SPATS2: variants seen among roughly 807,000 people sequenced by gnomAD.
The protein encoded by SPATS2 is spermatogenesis-associated serine-rich protein 2.
Under a neutral mutation model 63.7 loss-of-function variants are expected in SPATS2, and 38 were observed. That is an observed-to-expected ratio of 0.60 (90% CI 0.46 to 0.78). The LOEUF is 0.78. Ranked by LOEUF, SPATS2 falls within the 30% of genes least tolerant of loss-of-function variation. SPATS2 has a pLI of 0.00. For synonymous variants in SPATS2, 207 were observed against 232.9 expected, an observed-to-expected ratio of 0.89 and a Z score of 1.01; for missense variants, 588 against 666.2, an observed-to-expected ratio of 0.88 and a Z score of 1.29.
At chr12:49,421,751 G>A (rs1182128194) in intron 2 of SPATS2, among the ~76,000 whole-genome samples, 1 of 152,118 alleles carries the variant, frequency 6.6e-6, no homozygotes, top group Non-Finnish European at 1.5e-5. Flanking sequence ...ACTCTTAGGT[G>A]GATATTTTCT....
At chr12:49,483,802 G>A (rs916485853) in intron 3 of SPATS2, among the ~76,000 whole-genome samples, 4 of 152,240 alleles carry the variant, frequency 2.6e-5, no homozygotes, top group Middle Eastern at 6.8e-3. Context: ...TCTGCCACAG[G>A]CCAGACTGCT....
upstream of SPATS2, chr12:49,367,453 G>A: frequency 2.5e-6 from 1 of 401,250 alleles, no homozygotes; most frequent in Non-Finnish European, 4.4e-6. Context: ...GCTGGGGGAG[G>A]AGCGCGGCGG....
intron 3 of SPATS2, among the ~76,000 whole-genome samples, chr12:49,476,111 C>T (rs1231663248): frequency 6.6e-6 from 1 of 152,136 alleles, no homozygotes; most frequent in Admixed American, 6.5e-5. Context: ...TGGCCTGCCA[C>T]GCCCCCATCC....
At position 49,434,679 on chromosome 12, in the gene SPATS2, C is replaced by T. The variant is rs2137501831; in HGVS notation, c.-243-26091C>T. ...GAGCTGTACCCTCTGGTTCAGGAGT[C>T]ATAGTACTAGGGATGTGGTCTGTGA... On this transcript the variant is annotated intron_variant, in intron 2 of 13. Coordinates refer to ENST00000552918, the MANE Select transcript of SPATS2 (RefSeq NM_023071.4). Among the ~76,000 whole-genome samples the T allele has an allele frequency of 2.0e-5, 3 of 152,278 alleles. No individual in the cohort carries two copies. The East Asian group carries it at 5.8e-4, about 29-fold the overall frequency.
intron 2 of SPATS2, among the ~76,000 whole-genome samples, chr12:49,455,369 A>T (rs1010242647): frequency 6.6e-6 from 1 of 152,130 alleles, no homozygotes; most frequent in Non-Finnish European, 1.5e-5. Context: ...CTTCTCCAAT[A>T]TCTGCATCAT....
At chr12:49,443,428 A>C (rs930352168) in intron 2 of SPATS2, among the ~76,000 whole-genome samples, 5 of 152,006 alleles carry the variant, frequency 3.3e-5, no homozygotes, top group Non-Finnish European at 7.4e-5. Flanking sequence ...CTTCTATTCT[A>C]TTGATCTATA....
At chr12:49,525,600 C>T (rs1947018816) in intron 13 of SPATS2, among the ~76,000 whole-genome samples, 1 of 152,130 alleles carries the variant, frequency 6.6e-6, no homozygotes, top group East Asian at 1.9e-4. Context: ...TACCAATGGC[C>T]TTTTATCTGC....
chr12:49,444,906 A>G (rs1319483139), intron 2 of SPATS2, among the ~76,000 whole-genome samples: 1 of 152,144 alleles, frequency 6.6e-6, no homozygotes, highest in Admixed American at 6.5e-5. Context: ...ACCCAGCCAG[A>G]TACCATTACT....
At chr12:49,393,556 A>G (rs965055624) in intron 2 of SPATS2, among the ~76,000 whole-genome samples, 32 of 152,326 alleles carry the variant, frequency 2.1e-4, no homozygotes, top group African/African-American at 7.7e-4. Context: ...GAAATGACTT[A>G]GTGCCCCACT....
At chr12:49,451,896 C>A (rs1185047882) in intron 2 of SPATS2, among the ~76,000 whole-genome samples, 1 of 152,194 alleles carries the variant, frequency 6.6e-6, no homozygotes, top group Non-Finnish European at 1.5e-5. Flanking sequence ...TTCTTGGTTG[C>A]TGGTTTTTTC....
chr12:49,485,186 C>T (rs1009411509), intron 4 of SPATS2, among the ~76,000 whole-genome samples: 2 of 151,766 alleles, frequency 1.3e-5, no homozygotes, highest in Non-Finnish European at 2.9e-5. Context: ...CTGCCTCAGC[C>T]TCTCCAAGTA....
intron 2 of SPATS2, among the ~76,000 whole-genome samples, chr12:49,398,389 C>T (rs552018125): frequency 4.6e-5 from 7 of 152,018 alleles, no homozygotes; most frequent in African/African-American, 9.7e-5. Flanking sequence ...CTGGTTGGAA[C>T]GTTACAGAAT....
chr12:49,503,186 C>A (rs184678196), intron 9 of SPATS2, among the ~76,000 whole-genome samples: 1 of 151,118 alleles, frequency 6.6e-6, no homozygotes, highest in Non-Finnish European at 1.5e-5. Flanking sequence ...CCCATCTCTA[C>A]TAAACATTCA....
intron 4 of SPATS2, among the ~76,000 whole-genome samples, chr12:49,488,723 AAAAC>A (rs1413318520): frequency 3.9e-5 from 6 of 152,216 alleles, no homozygotes; most frequent in Non-Finnish European, 7.3e-5. Flanking sequence ...CTATGTGAAA[AAAAC>A]AAATTGAAGA....
intron 2 of SPATS2, among the ~76,000 whole-genome samples, chr12:49,426,576 C>T (rs1384647358): frequency 2.0e-5 from 3 of 152,114 alleles, no homozygotes; most frequent in African/African-American, 4.8e-5. Context: ...GACAGAGTCT[C>T]GCTGTCACCC....
At chr12:49,441,153 C>CT (rs1409451368) in intron 2 of SPATS2, among the ~76,000 whole-genome samples, 10 of 152,142 alleles carry the variant, frequency 6.6e-5, no homozygotes, top group Non-Finnish European at 8.8e-5. Context: ...TCTAATTGGG[C>CT]TACAGTGTAT....
At position 49,524,788 on chromosome 12, in the gene SPATS2, T is replaced by C. The variant is rs745626496; in HGVS notation, c.1218T>C (p.Cys406=). The change falls in exon 13 of 14, where the codon TGT becomes TGC. Residue 406 remains cysteine, a synonymous_variant. Transcript: ENST00000552918. ...SDASAASSST[C]ASPPSLTSAN... Reference sequence around the variant, plus strand: ...CCTCTGCTGCTTCCTCTTCCACCTGTGCCTCTCCTCCCAGCCTTACAAGTG... The same window carrying C: ...CCTCTGCTGCTTCCTCTTCCACCTGCGCCTCTCCTCCCAGCCTTACAAGTG... 6.2e-7 allele frequency: 1 copy of C among 1,614,190 alleles called. No individual in the cohort carries two copies. The highest frequency in any genetic ancestry group is 2.2e-5 in the East Asian group (1 of 44,892).
In SPATS2 at chr12:49,446,585, C is replaced by G. The variant is rs79701292; in HGVS notation, c.-243-14185C>G. Among the ~76,000 whole-genome samples, 43 of 152,310 alleles carry G rather than the reference C, an allele frequency of 2.8e-4. No individual in the cohort carries two copies. The East Asian group carries it at 7.1e-3, about 25-fold the overall frequency. ...TCTGCATTTCCTAGCCTCCTGGCCC[C>G]CTTCAAAGCCAGTTACAGCAGGTTA... is the stretch of plus-strand genomic sequence containing the variant. On this transcript the variant is annotated intron_variant, in intron 2 of 13. Coordinates refer to ENST00000552918, the MANE Select transcript of SPATS2 (RefSeq NM_023071.4).
chr12:49,499,369 G>A (rs1223607636), intron 8 of SPATS2, among the ~76,000 whole-genome samples: 1 of 151,958 alleles, frequency 6.6e-6, no homozygotes, highest in Admixed American at 6.6e-5. Context: ...GGCCTGGTGA[G>A]CTCTGGGGAT....
Sources: allele counts gnomAD v4.1 joint callset (sites outside exome capture counted in the v4.1 genomes callset), GRCh38; gene constraint gnomAD v4.1.1; transcripts MANE v1.5; gene names NCBI Gene and HGNC (gene_info 2026-07-23, HGNC 2026-07-21).